CFAP210: variants seen among roughly 807,000 people sequenced by gnomAD.
CFAP210 encodes the protein cilia- and flagella- associated protein 210.
the CFAP210 span, among the ~76,000 whole-genome samples, chr2:169,680,305 G>A: frequency 6.6e-6 from 1 of 152,100 alleles, no homozygotes; most frequent in East Asian, 1.9e-4. Flanking sequence ...GATTATTATT[G>A]GGAATGCAAA....
chr2:169,646,055 T>A, the CFAP210 span: 1 of 1,613,938 alleles, frequency 6.2e-7, no homozygotes, highest in Non-Finnish European at 8.5e-7. Flanking sequence ...TGTTTCCGAT[T>A]CAAGTTCAAT....
At chr2:169,673,678 T>C in the CFAP210 span, among the ~76,000 whole-genome samples, 1 of 152,172 alleles carries the variant, frequency 6.6e-6, no homozygotes, top group Non-Finnish European at 1.5e-5. Context: ...TGAGTATATA[T>C]GTTCAGGAAA....
At chr2:169,662,515 C>G in the CFAP210 span, 2 of 1,246,414 alleles carry the variant, frequency 1.6e-6, no homozygotes, top group Non-Finnish European at 2.2e-6. Context: ...TCAATTCCAA[C>G]CTGGAATGAG....
chr2:169,663,627 A>C, the CFAP210 span, among the ~76,000 whole-genome samples: 1 of 152,064 alleles, frequency 6.6e-6, no homozygotes, highest in African/African-American at 2.4e-5. Flanking sequence ...TGAGCCAACA[A>C]GTTCACTTTG....
chr2:169,665,612 C>T, the CFAP210 span, among the ~76,000 whole-genome samples: 1 of 152,094 alleles, frequency 6.6e-6, no homozygotes, highest in African/African-American at 2.4e-5. Flanking sequence ...TATAAAAATA[C>T]GTTGCCAGTG....
chr2:169,682,796 C>T, the CFAP210 span, among the ~76,000 whole-genome samples: 3 of 152,100 alleles, frequency 2.0e-5, no homozygotes, highest in Admixed American at 1.3e-4. Flanking sequence ...TGAACTTTTT[C>T]TGAACATACC....
the CFAP210 span, chr2:169,654,196 G>T: frequency 6.3e-7 from 1 of 1,586,214 alleles, no homozygotes; most frequent in Non-Finnish European, 8.6e-7. Context: ...TTGATAATAT[G>T]TTTATCCTGC....
At chr2:169,663,931 G>C in the CFAP210 span, among the ~76,000 whole-genome samples, 1 of 151,638 alleles carries the variant, frequency 6.6e-6, no homozygotes, top group Non-Finnish European at 1.5e-5. Flanking sequence ...GCTCACGCCT[G>C]TAATCCCAGC....
At chr2:169,659,715 A>G in the CFAP210 span, among the ~76,000 whole-genome samples, 1 of 152,130 alleles carries the variant, frequency 6.6e-6, no homozygotes, top group African/African-American at 2.4e-5. Context: ...TGTCCTTCTC[A>G]TATTTCAAAA....
At chr2:169,662,462 G>A in the CFAP210 span, 1 of 1,543,686 alleles carries the variant, frequency 6.5e-7, no homozygotes, top group Non-Finnish European at 8.7e-7. Flanking sequence ...AATTATAATT[G>A]AGAACAAAGC....
At chr2:169,671,959 A>G in the CFAP210 span, among the ~76,000 whole-genome samples, 2 of 152,208 alleles carry the variant, frequency 1.3e-5, no homozygotes, top group African/African-American at 4.8e-5. Context: ...AAGGGAAAGT[A>G]ACTCTCCTTT....
At chr2:169,668,899 T>C in the CFAP210 span, among the ~76,000 whole-genome samples, 3 of 152,276 alleles carry the variant, frequency 2.0e-5, no homozygotes, top group East Asian at 1.9e-4. Flanking sequence ...TAAAGTGACA[T>C]GCTGTTGAAC....
At chr2:169,655,394 G>A in the CFAP210 span, among the ~76,000 whole-genome samples, 2 of 152,198 alleles carry the variant, frequency 1.3e-5, no homozygotes, top group Non-Finnish European at 2.9e-5. Context: ...GGTCTACTAT[G>A]TGCCCAGCAC....
At chr2:169,650,770 G>GTGTGTT in the CFAP210 span, among the ~76,000 whole-genome samples, 1 of 146,700 alleles carries the variant, frequency 6.8e-6, no homozygotes. Flanking sequence ...GTGTGTGTGT[G>GTGTGTT]TTTAAGAAAT....
chr2:169,689,917 C>A, the CFAP210 span, among the ~76,000 whole-genome samples: 1 of 152,152 alleles, frequency 6.6e-6, no homozygotes, highest in African/African-American at 2.4e-5. Flanking sequence ...ACCTTGCATT[C>A]TTGGGATAAA....
chr2:169,680,959 A>T, the CFAP210 span: 1 of 1,480,064 alleles, frequency 6.8e-7, no homozygotes, highest in Non-Finnish European at 9.4e-7. Context: ...ACTAAGAAAC[A>T]AGAGTAAGTC....
the CFAP210 span, among the ~76,000 whole-genome samples, chr2:169,656,129 A>G: frequency 6.6e-6 from 1 of 152,194 alleles, no homozygotes; most frequent in African/African-American, 2.4e-5. Flanking sequence ...TCTACAAAAA[A>G]GACCACAAAA....
chr2:169,658,383 G>A, the CFAP210 span: 4 of 152,512 alleles, frequency 2.6e-5, no homozygotes, highest in African/African-American at 9.7e-5. Context: ...GTTTTGCCAT[G>A]TAGGAGAAGC....
At chr2:169,669,774 TAAA>T in the CFAP210 span, among the ~76,000 whole-genome samples, 5 of 133,194 alleles carry the variant, frequency 3.8e-5, no homozygotes, top group African/African-American at 5.6e-5. Context: ...GACTCCGTCT[TAAA>T]AAAAAAAAAA....
Sources: allele counts gnomAD v4.1 joint callset (sites outside exome capture counted in the v4.1 genomes callset), GRCh38; gene constraint gnomAD v4.1.1; transcripts MANE v1.5; gene names NCBI Gene and HGNC (gene_info 2026-07-23, HGNC 2026-07-21).